PTPRA: variants seen among roughly 807,000 people sequenced by gnomAD.
PTPRA encodes receptor-type tyrosine-protein phosphatase alpha.
Under a neutral mutation model 104.8 loss-of-function variants are expected in PTPRA, and 25 were observed. That is an observed-to-expected ratio of 0.24 (90% CI 0.17 to 0.33). The LOEUF is 0.33. PTPRA is among the 10% of genes least tolerant of loss of function. The pLI, the probability that PTPRA is intolerant of heterozygous loss-of-function variation, is 1.00. For missense variants in PTPRA, 765 were observed against 1,015.3 expected, an observed-to-expected ratio of 0.75 and a Z score of 3.35; for synonymous variants, 323 against 368.9, an observed-to-expected ratio of 0.88 and a Z score of 1.43.
rs1247667800 is a variant in PTPRA at position 2,950,109 on chromosome 20, C to A, written c.-7+2085C>A. On this transcript the variant is annotated intron_variant, in intron 3 of 23. Coordinates refer to ENST00000399903, the MANE Select transcript of PTPRA (RefSeq NM_001385305.1). The surrounding 1 kb of genome is among the most constrained non-coding windows in gnomAD (Gnocchi z 4.0). ...TAGAATGAGCTGGGAACTAGTCACT[C>A]TTGTTTTCTCACCTATAATAGCATC... is the stretch of plus-strand genomic sequence containing the variant. Among the ~76,000 whole-genome samples the A allele has an allele frequency of 6.6e-6, 1 of 152,046 alleles. No homozygotes were observed. The highest frequency in any genetic ancestry group is 6.6e-5 in the Admixed American group (1 of 15,252).
chr20:2,962,877 C>G (rs569440503), intron 3 of PTPRA, among the ~76,000 whole-genome samples: 10 of 152,144 alleles, frequency 6.6e-5, no homozygotes, highest in East Asian at 3.8e-4. Flanking sequence ...CTCTTCCCCC[C>G]CTACCCTTGA....
intron 11 of PTPRA, among the ~76,000 whole-genome samples, 168 bp downstream of exon 11, chr20:3,007,588 T>C (rs974709315): frequency 2.0e-5 from 3 of 152,204 alleles, no homozygotes; most frequent in Admixed American, 2.0e-4. Context: ...TCAAATAGTT[T>C]TAATCATTTT....
In PTPRA at chr20:2,905,929, ACCCGCCTCGG is replaced by A. The variant is rs1486241030; in HGVS notation, c.-128-17275_-128-17266del. Among the ~76,000 whole-genome samples, 6 of 151,362 alleles carry A rather than the reference ACCCGCCTCGG, an allele frequency of 4.0e-5. No individual in the cohort carries two copies. In the East Asian group the frequency reaches 1.2e-3, roughly 29 times the overall value. On this transcript the variant is annotated intron_variant, in intron 1 of 23. Transcript: ENST00000399903. Reference sequence around the variant, plus strand: ...TCGAACTCCTGACCTCAGGTGATCCACCCGCCTCGGCCTCCCAAAGTGCTGGTATTACAGG... The same window carrying A: ...TCGAACTCCTGACCTCAGGTGATCCACCTCCCAAAGTGCTGGTATTACAGG...
At chr20:2,975,374 TC>T in intron 6 of PTPRA, 133 bp downstream of exon 6, 1 of 682,234 alleles carries the variant, frequency 1.5e-6, no homozygotes, top group Non-Finnish European at 2.2e-6. Context: ...TTAAGTTATT[TC>T]CATGTTAATC....
chr20:3,027,613 G>C, intron 19 of PTPRA, 94 bp from the exon 20 acceptor site: 1 of 1,489,248 alleles, frequency 6.7e-7, no homozygotes, highest in Non-Finnish European at 9.1e-7. Flanking sequence ...GTTTGCCTCC[G>C]AGCAGTCCCC....
At chr20:2,996,805 T>C (rs1385297677) in intron 9 of PTPRA, among the ~76,000 whole-genome samples, 1 of 152,216 alleles carries the variant, frequency 6.6e-6, no homozygotes, top group Admixed American at 6.5e-5. Context: ...TAAAAAGCTT[T>C]ATATCAAATG....
chr20:3,023,895 A>G lies in PTPRA; in HGVS notation c.1465-577A>G, dbSNP rs565662801. Among the ~76,000 whole-genome samples the G allele has an allele frequency of 6.6e-4, 100 of 152,294 alleles. 1 individual carries two copies. The highest frequency in any genetic ancestry group is 2.2e-3 in the African/African-American group (92 of 41,556). ...AGGTGTGGAGGGGCTAGCCCCTTTC[A>G]TGTGATGAAGGGCTCTTATAAATTA... On this transcript the variant is annotated intron_variant, in intron 16 of 23. Coordinates refer to ENST00000399903, the MANE Select transcript of PTPRA (RefSeq NM_001385305.1).
At chr20:3,009,921 T>C (rs1040315804) in intron 11 of PTPRA, among the ~76,000 whole-genome samples, 8 of 152,058 alleles carry the variant, frequency 5.3e-5, no homozygotes, top group African/African-American at 1.9e-4. Flanking sequence ...CGATCTTGGC[T>C]TACTACGACC....
upstream of PTPRA, among the ~76,000 whole-genome samples, chr20:2,871,751 G>A (rs187135294): frequency 2.1e-4 from 32 of 152,360 alleles, no homozygotes; most frequent in Admixed American, 1.2e-3. Context: ...AAGGGGATAT[G>A]TGAATGTTGG....
At chr20:2,892,607 G>T (rs2058843446) in intron 1 of PTPRA, among the ~76,000 whole-genome samples, 1 of 152,174 alleles carries the variant, frequency 6.6e-6, no homozygotes, top group African/African-American at 2.4e-5. Flanking sequence ...TGTGTTGCCA[G>T]GTGATTCTGC....
chr20:2,968,507 T>TTTTTTG (rs759599927), intron 5 of PTPRA, among the ~76,000 whole-genome samples: 5 of 145,234 alleles, frequency 3.4e-5, no homozygotes, highest in African/African-American at 8.1e-5. Context: ...CTTTTTTTTT[T>TTTTTTG]TTCTCAAATT....
At chr20:3,032,582 A>ACGG (rs1568710473) in intron 20 of PTPRA, among the ~76,000 whole-genome samples, 9 of 151,658 alleles carry the variant, frequency 5.9e-5, no homozygotes, top group South Asian at 2.1e-4. Flanking sequence ...CCTGGCCAAC[A>ACGG]TGGCAAAACC....
intron 1 of PTPRA, among the ~76,000 whole-genome samples, chr20:2,920,288 T>C (rs942223190): frequency 1.3e-5 from 2 of 152,060 alleles, no homozygotes; most frequent in African/African-American, 4.8e-5. Flanking sequence ...AGGCTGGAAA[T>C]GGATGTGGGA....
intron 9 of PTPRA, among the ~76,000 whole-genome samples, chr20:3,000,224 G>C (rs2063570702): frequency 6.6e-6 from 1 of 152,242 alleles, no homozygotes; most frequent in African/African-American, 2.4e-5. Context: ...GGAGGTGGAG[G>C]CTGCAGTGAG....
chr20:2,898,745 C>A (rs2059117129), intron 1 of PTPRA, among the ~76,000 whole-genome samples: 2 of 151,940 alleles, frequency 1.3e-5, no homozygotes, highest in Non-Finnish European at 2.9e-5. Context: ...GTAGTCCCAG[C>A]TGCTAGGGAG....
chr20:3,031,584 T>C (rs2065456734), intron 20 of PTPRA, among the ~76,000 whole-genome samples: 1 of 152,178 alleles, frequency 6.6e-6, no homozygotes, highest in Admixed American at 6.5e-5. Context: ...CAAGTCACCA[T>C]CTGCCCTGTA....
chr20:2,871,184 T>C (rs1398273389), upstream of PTPRA, among the ~76,000 whole-genome samples: 1 of 152,170 alleles, frequency 6.6e-6, no homozygotes, highest in Non-Finnish European at 1.5e-5. Context: ...GCTTTGACCA[T>C]AGTGCAGCTG....
intron 1 of PTPRA, among the ~76,000 whole-genome samples, chr20:2,892,031 C>T (rs990995630): frequency 9.9e-5 from 15 of 151,860 alleles, no homozygotes; most frequent in Admixed American, 2.0e-4. Flanking sequence ...GGCTCACACC[C>T]GTAATCCCAG....
rs564872124 is a variant in PTPRA, at chr20:3,037,558, T to C, written c.2334+269T>C. ...GCTCATCTGTACTTCTCTGTGGGTC[T>C]TGGGTAAGGAAGATCCATGAAGAGT... On this transcript the variant is annotated intron_variant, in intron 23 of 23. Transcript: ENST00000399903. This position sits in a 1 kb window ranked among gnomAD's most constrained non-coding sequence, Gnocchi z 4.3. 9.9e-5 allele frequency among the ~76,000 whole-genome samples: 15 copies of C among 152,238 alleles called. No homozygotes were observed. Among genetic ancestry groups the C allele is most frequent in the Non-Finnish European group, 2.1e-4 (14 of 68,042 alleles).
Sources: allele counts gnomAD v4.1 joint callset (sites outside exome capture counted in the v4.1 genomes callset), GRCh38; gene constraint gnomAD v4.1.1; non-coding constraint Gnocchi (gnomAD v3.1); transcripts MANE v1.5; gene names NCBI Gene and HGNC (gene_info 2026-07-23, HGNC 2026-07-21).